Variants in FAM117B observed in about 807,000 individuals in gnomAD.
FAM117B encodes the protein protein FAM117B.
In FAM117B, 22 loss-of-function variants were observed where a neutral mutation model predicts 52.8. That is an observed-to-expected ratio of 0.42 (90% CI 0.30 to 0.59). FAM117B has a LOEUF of 0.59. Among genes scored for constraint, FAM117B ranks in the 20% least tolerant of loss-of-function variants. The probability of loss-of-function intolerance (pLI) is 0.22; values close to 1 mark genes in which losing one functional copy is unlikely to be tolerated. For synonymous variants in FAM117B, 309 were observed against 324.1 expected (o/e 0.95, Z 0.50); for missense variants, 678 against 802.6 (o/e 0.84, Z 1.88).
chr2:202,744,976 CAAA>C (rs58898446), intron 4 of FAM117B, among the ~76,000 whole-genome samples: 15,181 of 58,608 alleles, frequency 0.26, 891 homozygotes, highest in Non-Finnish European at 0.32. Flanking sequence ...GACTCTGTCT[CAAA>C]AAAAAAAAAA....
intron 4 of FAM117B, among the ~76,000 whole-genome samples, chr2:202,755,198 C>CT (rs1691783381): frequency 6.6e-6 from 1 of 152,056 alleles, no homozygotes; most frequent in African/African-American, 2.4e-5. Flanking sequence ...CATTGTGGCA[C>CT]TAGGAGAGTT....
intron 1 of FAM117B, among the ~76,000 whole-genome samples, chr2:202,675,901 C>T (rs1221726329): frequency 1.3e-5 from 2 of 148,710 alleles, no homozygotes; most frequent in Non-Finnish European, 3.0e-5. Context: ...AGGAGAATTG[C>T]TTGAACCTGG....
chr2:202,764,023 T>G (rs1431902579), intron 7 of FAM117B, among the ~76,000 whole-genome samples: 1 of 152,196 alleles, frequency 6.6e-6, no homozygotes, highest in Non-Finnish European at 1.5e-5. Context: ...ACCTCTTCTG[T>G]GCTGTGGACA....
intron 4 of FAM117B, among the ~76,000 whole-genome samples, chr2:202,749,782 AT>A (rs1408495129): frequency 6.6e-6 from 1 of 152,070 alleles, no homozygotes; most frequent in African/African-American, 2.4e-5. Flanking sequence ...TTTTAAAATT[AT>A]TTAAATAAAA....
At chr2:202,760,581 G>A (rs1243924817) in intron 7 of FAM117B, among the ~76,000 whole-genome samples, 2 of 152,124 alleles carry the variant, frequency 1.3e-5, no homozygotes, top group Non-Finnish European at 2.9e-5. Context: ...GAAGCTGGTT[G>A]TCTAACCCAG....
chr2:202,760,317 G>C (rs182736488), intron 7 of FAM117B, among the ~76,000 whole-genome samples: 1 of 152,256 alleles, frequency 6.6e-6, no homozygotes, highest in East Asian at 1.9e-4. Context: ...AACGGGGGAG[G>C]TCCCAAAGGT....
intron 1 of FAM117B, among the ~76,000 whole-genome samples, chr2:202,648,205 A>C (rs540019972): frequency 5.3e-5 from 8 of 152,244 alleles, no homozygotes; most frequent in Admixed American, 1.3e-4. Context: ...TATTCTATGT[A>C]TATTCAGATA....
chr2:202,698,027 G>A (rs879308616), intron 2 of FAM117B, among the ~76,000 whole-genome samples: 1 of 151,646 alleles, frequency 6.6e-6, no homozygotes, highest in Admixed American at 6.6e-5. Flanking sequence ...ATGTCACTAC[G>A]CCCAGCTAAT....
chr2:202,751,383 AG>A (rs1691718656), intron 4 of FAM117B, among the ~76,000 whole-genome samples: 1 of 152,206 alleles, frequency 6.6e-6, no homozygotes, highest in African/African-American at 2.4e-5. Flanking sequence ...CGCTTATGAA[AG>A]CTGAAAGGGT....
At chr2:202,637,938 G>A (rs1378119272) in intron 1 of FAM117B, among the ~76,000 whole-genome samples, 1 of 150,714 alleles carries the variant, frequency 6.6e-6, no homozygotes, top group Non-Finnish European at 1.5e-5. Context: ...GTGCAATGGG[G>A]CAATCTTGGC....
At chr2:202,750,442 G>A (rs746204163) in intron 4 of FAM117B, among the ~76,000 whole-genome samples, 12 of 152,160 alleles carry the variant, frequency 7.9e-5, no homozygotes, top group African/African-American at 2.4e-4. Flanking sequence ...GAGGCCAGGA[G>A]GCAGAGGTTG....
chr2:202,757,914 A>G (rs747357037), intron 6 of FAM117B, among the ~76,000 whole-genome samples: 3 of 152,224 alleles, frequency 2.0e-5, no homozygotes, highest in Non-Finnish European at 4.4e-5. Flanking sequence ...CCTGATGTAA[A>G]ACGTTGGAGG....
chr2:202,704,365 A>C (rs10183440), intron 2 of FAM117B, among the ~76,000 whole-genome samples: 3 of 152,178 alleles, frequency 2.0e-5, no homozygotes, highest in Non-Finnish European at 4.4e-5. Flanking sequence ...ATCTATTGCT[A>C]TTGCCTTCCT....
intron 1 of FAM117B, among the ~76,000 whole-genome samples, chr2:202,645,762 C>A (rs940884455): frequency 1.3e-5 from 2 of 151,498 alleles, no homozygotes; most frequent in South Asian, 2.1e-4. Flanking sequence ...CGCCACCACG[C>A]CCAGCTAAAT....
intron 6 of FAM117B, 94 bp from the exon 7 acceptor site, chr2:202,759,139 G>GCC: frequency 7.4e-7 from 1 of 1,354,360 alleles, no homozygotes. Context: ...CACTGTTCCT[G>GCC]CCCTCAAGTA....
rs1391367392 is a variant in FAM117B, at chr2:202,767,136, G to A, written c.*1372G>A. On this transcript the variant is annotated 3_prime_UTR_variant, in exon 8 of 8. Transcript: ENST00000392238. ...ATCAGTATGTGATTTCTGGGTATGT[G>A]GTAGTGAGATTAAGGAGCAGCTTTT... is the stretch of plus-strand genomic sequence containing the variant. 1 of 151,008 alleles carries A rather than the reference G, an allele frequency of 6.6e-6. No individual in the cohort carries two copies. Among genetic ancestry groups the A allele is most frequent in the African/African-American group, 2.4e-5 (1 of 41,024 alleles). The allele number at this position is 151,008 out of a possible 1,614,324, so 9.4% of individuals were successfully genotyped here.
intron 1 of FAM117B, among the ~76,000 whole-genome samples, chr2:202,691,043 A>G (rs184896232): frequency 6.6e-6 from 1 of 152,292 alleles, no homozygotes; most frequent in East Asian, 1.9e-4. Flanking sequence ...AAATGGATTA[A>G]AGGAAGGGAG....
chr2:202,736,198 T>C (rs1322869323), intron 4 of FAM117B, among the ~76,000 whole-genome samples: 4 of 152,180 alleles, frequency 2.6e-5, no homozygotes, highest in Non-Finnish European at 2.9e-5. Flanking sequence ...AGAGCATGAA[T>C]GTTATTTAAT....
chr2:202,684,684 A>ATT (rs1002436397), intron 1 of FAM117B, among the ~76,000 whole-genome samples: 6 of 147,744 alleles, frequency 4.1e-5, no homozygotes, highest in African/African-American at 1.6e-4. Flanking sequence ...TTAGGCATGA[A>ATT]TTATAGTGCT....
Sources: gnomAD v4.1 joint callset for allele counts (sites outside exome capture counted in the v4.1 genomes callset) on GRCh38, gnomAD v4.1.1 for gene constraint, MANE v1.5 for transcripts, NCBI Gene and HGNC (gene_info 2026-07-23, HGNC 2026-07-21) for gene names.